The following RBFOX1 variants were observed in gnomAD, a reference collection of about 807,000 sequenced individuals.
RBFOX1 encodes RNA binding fox-1 homolog 1, also known as RNA binding protein fox-1 homolog 1.
Under a neutral mutation model 57.7 loss-of-function variants are expected in RBFOX1, and 8 were observed. The ratio of observed to expected loss-of-function variants is 0.14; its 90% CI spans 0.08 to 0.25. RBFOX1 has a LOEUF of 0.25. RBFOX1 is among the 10% of genes least tolerant of loss of function. RBFOX1 has a pLI of 1.00. For synonymous variants in RBFOX1, 326 were observed against 222.4 expected, an observed-to-expected ratio of 1.47 and a Z score of -4.15; for missense variants, 611 against 548.5, an observed-to-expected ratio of 1.11 and a Z score of -1.14.
At chr16:6,497,561 TAAAA>T (rs749107631) in intron 2 of RBFOX1, among the ~76,000 whole-genome samples, 78,298 of 149,572 alleles carry the variant, frequency 0.52, 20,578 homozygotes, top group African/African-American at 0.58. Flanking sequence ...TTGAAGTTTT[TAAAA>T]AAAAAAAAAA....
intron 4 of RBFOX1, among the ~76,000 whole-genome samples, chr16:7,128,276 C>A (rs79569972): frequency 0.032 from 4,849 of 152,254 alleles, 254 homozygotes; most frequent in African/African-American, 0.11. Context: ...TGAATCCTCA[C>A]AATAATTCTG....
intron 3 of RBFOX1, among the ~76,000 whole-genome samples, chr16:5,617,922 G>T (rs187267167): frequency 9.9e-5 from 15 of 152,216 alleles, no homozygotes; most frequent in African/African-American, 3.4e-4. Flanking sequence ...TCTACTAGGA[G>T]GGTATTGTTC....
chr16:7,361,743 G>C (rs2097325662), intron 4 of RBFOX1, among the ~76,000 whole-genome samples: 1 of 152,190 alleles, frequency 6.6e-6, no homozygotes, highest in Admixed American at 6.5e-5. Flanking sequence ...GTAGGCAAAA[G>C]CAGAGAGACT....
intron 4 of RBFOX1, among the ~76,000 whole-genome samples, chr16:7,157,752 A>G (rs1036427011): frequency 6.6e-6 from 1 of 152,172 alleles, no homozygotes; most frequent in Admixed American, 6.6e-5. Flanking sequence ...GCAAGTGGAA[A>G]CAGCTTCACA....
chr16:6,315,641 C>T (rs897911174), intron 1 of RBFOX1, among the ~76,000 whole-genome samples: 1 of 151,976 alleles, frequency 6.6e-6, no homozygotes. Flanking sequence ...TTGACACTAG[C>T]CCATGAGATT....
chr16:5,308,938 C>G (rs1268829006), intron 1 of RBFOX1, among the ~76,000 whole-genome samples: 1 of 152,170 alleles, frequency 6.6e-6, no homozygotes, highest in Non-Finnish European at 1.5e-5. Context: ...CTCCCCTGGG[C>G]TTGGGAGTTC....
At chr16:7,603,757 G>C (rs1000149605) in intron 9 of RBFOX1, among the ~76,000 whole-genome samples, 1 of 152,128 alleles carries the variant, frequency 6.6e-6, no homozygotes, top group Non-Finnish European at 1.5e-5. Context: ...GTACCAAAGA[G>C]GTACCAAATA....
intron 4 of RBFOX1, among the ~76,000 whole-genome samples, chr16:7,152,164 CT>C (rs1278521740): frequency 4.6e-5 from 7 of 152,152 alleles, no homozygotes; most frequent in Admixed American, 6.5e-5. Context: ...ATCCTCACCC[CT>C]GAGCTGATTC....
At chr16:7,625,260 G>A (rs1010689377) in intron 10 of RBFOX1, among the ~76,000 whole-genome samples, 5 of 152,216 alleles carry the variant, frequency 3.3e-5, no homozygotes, top group East Asian at 1.9e-4. Context: ...AGCAGGAATC[G>A]CCACATTGAG....
chr16:6,070,315 G>T (rs1001161431), intron 1 of RBFOX1, among the ~76,000 whole-genome samples: 3 of 152,156 alleles, frequency 2.0e-5, no homozygotes, highest in Non-Finnish European at 2.9e-5. Context: ...AATAATTAGG[G>T]TTGTTATTAG....
At chr16:7,699,343 T>A (rs2079879935) in intron 14 of RBFOX1, among the ~76,000 whole-genome samples, 1 of 152,146 alleles carries the variant, frequency 6.6e-6, no homozygotes, top group South Asian at 2.1e-4. Context: ...AGGCAGGTGC[T>A]ACCACACCCA....
At chr16:7,320,467 C>G (rs1427322605) in intron 4 of RBFOX1, among the ~76,000 whole-genome samples, 1 of 152,148 alleles carries the variant, frequency 6.6e-6, no homozygotes, top group Non-Finnish European at 1.5e-5. Context: ...TTTTCTTTAT[C>G]CAGTCTATCT....
At chr16:7,339,392 T>C (rs1455969560) in intron 4 of RBFOX1, among the ~76,000 whole-genome samples, 1 of 152,164 alleles carries the variant, frequency 6.6e-6, no homozygotes, top group African/African-American at 2.4e-5. Context: ...ATATAAAGTA[T>C]GTTTATTCTG....
intron 2 of RBFOX1, among the ~76,000 whole-genome samples, chr16:6,413,699 A>G (rs1326474432): frequency 6.6e-6 from 1 of 152,218 alleles, no homozygotes; most frequent in African/African-American, 2.4e-5. Context: ...GGATCTTTTG[A>G]TGTGACTACT....
chr16:5,307,953 C>G (rs568675667), intron 1 of RBFOX1, among the ~76,000 whole-genome samples: 1 of 152,284 alleles, frequency 6.6e-6, no homozygotes. Flanking sequence ...GCTGAAATTA[C>G]AAGCTTGAAC....
At chr16:6,330,131 C>G (rs1599700949) in intron 2 of RBFOX1, among the ~76,000 whole-genome samples, 2 of 152,240 alleles carry the variant, frequency 1.3e-5, no homozygotes, top group Admixed American at 1.3e-4. Flanking sequence ...TACTACATAT[C>G]TGTAGTTTAA....
At chr16:6,167,241 A>G (rs577711956) in intron 1 of RBFOX1, among the ~76,000 whole-genome samples, 12 of 152,360 alleles carry the variant, frequency 7.9e-5, no homozygotes, top group South Asian at 6.2e-4. Flanking sequence ...TGTCTCTGCA[A>G]GTTTGCCGAA....
At chr16:6,063,371 G>C (rs1360456729) in intron 1 of RBFOX1, among the ~76,000 whole-genome samples, 2 of 151,584 alleles carry the variant, frequency 1.3e-5, no homozygotes, top group Admixed American at 6.6e-5. Flanking sequence ...ACTTAATTTA[G>C]GTTTTCCAGT....
At chr16:5,306,553 C>T (rs1302954587) in intron 1 of RBFOX1, among the ~76,000 whole-genome samples, 7 of 152,166 alleles carry the variant, frequency 4.6e-5, no homozygotes. Context: ...AGTGACCCAC[C>T]TGCCTTGGCC....
Sources: gnomAD v4.1 joint callset for allele counts (sites outside exome capture counted in the v4.1 genomes callset) on GRCh38, gnomAD v4.1.1 for gene constraint, MANE v1.5 for transcripts, NCBI Gene and HGNC (gene_info 2026-07-23, HGNC 2026-07-21) for gene names.